CRB1: variants seen among roughly 807,000 people sequenced by gnomAD.
The protein encoded by CRB1 is crumbs cell polarity complex component 1, also known as protein crumbs homolog 1.
A neutral mutation model predicts 120.0 loss-of-function variants in CRB1; 83 were observed. The ratio of observed to expected loss-of-function variants is 0.69; its 90% CI spans 0.58 to 0.83. The LOEUF (loss-of-function observed/expected upper bound fraction) is 0.83, where lower values mean the gene tolerates loss of function less well. CRB1 is among the 40% of genes least tolerant of loss of function. CRB1 has a pLI of 0.00. For synonymous variants in CRB1, 625 were observed against 612.5 expected (o/e 1.02, Z -0.30); for missense variants, 1,699 against 1,687.6 (o/e 1.01, Z -0.12).
intron 1 of CRB1, among the ~76,000 whole-genome samples, chr1:197,322,159 T>C (rs1261686558): frequency 6.6e-6 from 1 of 152,108 alleles, no homozygotes; most frequent in East Asian, 1.9e-4. Flanking sequence ...AAAGGCTTAA[T>C]GTTAAAAAGT....
At chr1:197,342,789 T>C (rs2125325900) in intron 2 of CRB1, among the ~76,000 whole-genome samples, 1 of 152,318 alleles carries the variant, frequency 6.6e-6, no homozygotes, top group South Asian at 2.1e-4. Context: ...ACTATAGTAA[T>C]ACCTACCATT....
chr1:197,215,275 ATTT>A, the CRB1 span, among the ~76,000 whole-genome samples: 976 of 131,016 alleles, frequency 7.4e-3, 11 homozygotes, highest in African/African-American at 0.025. Context: ...CCAGTGGGAG[ATTT>A]TTTTTTTTTT....
At chr1:197,439,227 G>C (rs1418488780) in intron 10 of CRB1, 1 of 162,076 alleles carries the variant, frequency 6.2e-6, no homozygotes. Flanking sequence ...AGTGGCTAGG[G>C]GTAAGTTCAG....
intron 1 of CRB1, among the ~76,000 whole-genome samples, chr1:197,303,107 TTTTA>T (rs145037589): frequency 0.17 from 25,180 of 151,230 alleles, 2,332 homozygotes; most frequent in Middle Eastern, 0.25. Flanking sequence ...CCAATTATTC[TTTTA>T]TTTATTTATT....
At chr1:197,340,428 TAGAG>T (rs1208003722) in intron 2 of CRB1, among the ~76,000 whole-genome samples, 1 of 152,026 alleles carries the variant, frequency 6.6e-6, no homozygotes, top group Non-Finnish European at 1.5e-5. Flanking sequence ...GACAGGGAGA[TAGAG>T]AGGGGATGAT....
At position 197,303,107 on chromosome 1, in the gene CRB1, TTTTATTTA is replaced by T. The variant is rs145037589; in HGVS notation, c.71-25296_71-25289del. Among the ~76,000 whole-genome samples, 59 of 151,398 alleles carry T rather than the reference TTTTATTTA, an allele frequency of 3.9e-4. No homozygotes were observed. In the East Asian group the frequency reaches 8.3e-3, roughly 21 times the overall value. On this transcript the variant is annotated intron_variant, in intron 1 of 11. Coordinates refer to ENST00000367400, the MANE Select transcript of CRB1 (RefSeq NM_201253.3). The stretch of plus-strand genomic sequence containing the variant: ...GCTCAAATTAAGAGGCCAATTATTC[TTTTATTTA>T]TTTATTTATTTATTTATTATTTTAT...
chr1:197,268,596 T>C (rs1454175583), intron 1 of CRB1, 114 bp downstream of exon 1: 4 of 834,336 alleles, frequency 4.8e-6, no homozygotes, highest in Non-Finnish European at 5.9e-6. Flanking sequence ...AAAAAGGAAG[T>C]TTTTATTTGT....
intron 1 of CRB1, among the ~76,000 whole-genome samples, chr1:197,269,100 G>C (rs993278839): frequency 1.3e-5 from 2 of 152,098 alleles, no homozygotes; most frequent in Non-Finnish European, 2.9e-5. Flanking sequence ...TAATCTTGTC[G>C]GTTCTATAGC....
chr1:197,350,697 A>G (rs1028681149), intron 4 of CRB1, among the ~76,000 whole-genome samples: 6 of 152,222 alleles, frequency 3.9e-5, no homozygotes, highest in Non-Finnish European at 7.3e-5. Context: ...TTCTGTAAAA[A>G]TGAATAGAGA....
intron 11 of CRB1, among the ~76,000 whole-genome samples, chr1:197,445,563 A>G (rs1665662737): frequency 6.6e-6 from 1 of 152,160 alleles, no homozygotes; most frequent in African/African-American, 2.4e-5. Flanking sequence ...CAAATTCTTC[A>G]CTAAATTTTC....
At chr1:197,338,941 C>G (rs1345742467) in intron 2 of CRB1, among the ~76,000 whole-genome samples, 1 of 152,030 alleles carries the variant, frequency 6.6e-6, no homozygotes, top group Non-Finnish European at 1.5e-5. Context: ...AAGTGCATCT[C>G]GGTTCTAGAG....
chr1:197,462,297 A>G (rs1242622989), intron 11 of CRB1, among the ~76,000 whole-genome samples: 3 of 152,176 alleles, frequency 2.0e-5, no homozygotes, highest in African/African-American at 7.2e-5. Flanking sequence ...ATACTGATAT[A>G]TCTTACATAT....
Position 197,434,698 on chromosome 1 carries a change from C to A in CRB1, c.2843-8C>A, listed in dbSNP as rs745832578. 4 of 1,608,940 alleles carry A rather than the reference C, an allele frequency of 2.5e-6. No homozygotes were observed. Among genetic ancestry groups the A allele is most frequent in the Non-Finnish European group, 3.4e-6 (4 of 1,175,846 alleles). ...AAGTTATTGATTATTATCACCTTCTCTCATTAGGTATTGCAAATGCTGTTT... is the reference window on the plus strand; with the variant it reads ...AAGTTATTGATTATTATCACCTTCTATCATTAGGTATTGCAAATGCTGTTT... On this transcript the variant is annotated splice_polypyrimidine_tract_variant and splice_region_variant and intron_variant, in intron 8 of 11. Coordinates refer to ENST00000367400, the MANE Select transcript of CRB1 (RefSeq NM_201253.3).
the CRB1 span, among the ~76,000 whole-genome samples, chr1:197,260,424 T>G: frequency 2.0e-5 from 3 of 151,886 alleles, no homozygotes; most frequent in African/African-American, 7.2e-5. Flanking sequence ...GTCACAAAAT[T>G]TTAAGAAATT....
intron 5 of CRB1, chr1:197,363,824 A>C (rs1660913378): frequency 1.2e-6 from 1 of 802,188 alleles, no homozygotes; most frequent in African/African-American, 1.7e-5. Flanking sequence ...TTCATGGCAA[A>C]ACATCTGAAG....
Position 197,292,407 on chromosome 1 carries a change from GCAATAATTAATAGCCTACCACCCAAAA to G in CRB1, c.70+23926_70+23952del, listed in dbSNP as rs530594215. Among the ~76,000 whole-genome samples the G allele has an allele frequency of 3.1e-3, 473 of 152,210 alleles. 1 individual carries two copies. The highest frequency in any genetic ancestry group is 0.011 in the African/African-American group (452 of 41,528). On this transcript the variant is annotated intron_variant, in intron 1 of 11. Transcript: ENST00000367400. ...ACCAATAACAGGCTCTGAAATTGAG[GCAATAATTAATAGCCTACCACCCAAAA>G]TAAGTCCAGGACTAGACAGATTCAC...
At chr1:197,251,823 C>T in the CRB1 span, among the ~76,000 whole-genome samples, 3 of 151,910 alleles carry the variant, frequency 2.0e-5, no homozygotes, top group African/African-American at 4.8e-5. Context: ...AATAATTTCA[C>T]TTGGTAATGT....
At chr1:197,404,189 A>T (rs1310018890) in intron 5 of CRB1, among the ~76,000 whole-genome samples, 2 of 152,204 alleles carry the variant, frequency 1.3e-5, no homozygotes, top group Non-Finnish European at 2.9e-5. Flanking sequence ...TAGCTCTGTA[A>T]AGCAACTGAG....
At chr1:197,243,051 G>C in the CRB1 span, among the ~76,000 whole-genome samples, 1 of 151,910 alleles carries the variant, frequency 6.6e-6, no homozygotes, top group African/African-American at 2.4e-5. Context: ...GCATCTATCT[G>C]ATTCTTCTCT....
Sources: allele counts gnomAD v4.1 joint callset (sites outside exome capture counted in the v4.1 genomes callset), GRCh38; gene constraint gnomAD v4.1.1; transcripts MANE v1.5; gene names NCBI Gene and HGNC (gene_info 2026-07-23, HGNC 2026-07-21).